The following SLC44A5 variants were observed in gnomAD, a reference collection of about 807,000 sequenced individuals.
SLC44A5 encodes the protein solute carrier family 44 member 5, also known as choline transporter-like protein 5.
A neutral mutation model predicts 101.8 loss-of-function variants in SLC44A5; 57 were observed. The observed-to-expected ratio is 0.56, with a 90% confidence interval of 0.45 to 0.70. SLC44A5 has a LOEUF of 0.70. Ranked by LOEUF, SLC44A5 falls within the 30% of genes least tolerant of loss-of-function variation. SLC44A5 has a pLI of 0.00. For missense variants in SLC44A5, 737 were observed against 853.1 expected (o/e 0.86, Z 1.70); for synonymous variants, 281 against 290.9 (o/e 0.97, Z 0.35).
chr1:75,696,618 A>T, the SLC44A5 span, among the ~76,000 whole-genome samples: 2 of 152,146 alleles, frequency 1.3e-5, no homozygotes, highest in African/African-American at 4.8e-5. Flanking sequence ...AACATCGGCC[A>T]GGTGCGGTGG....
the SLC44A5 span, among the ~76,000 whole-genome samples, chr1:75,692,306 G>T: frequency 6.8e-6 from 1 of 146,274 alleles, no homozygotes; most frequent in South Asian, 2.2e-4. Flanking sequence ...TGATTCTCCT[G>T]CCTCAGCCTC....
At chr1:75,241,916 T>C (rs368455029) in intron 9 of SLC44A5, 85 bp downstream of exon 9, 11 of 1,200,980 alleles carry the variant, frequency 9.2e-6, no homozygotes, top group African/African-American at 1.5e-5. Flanking sequence ...TTGGCCTCAG[T>C]CTCATCAATT....
intron 1 of SLC44A5, among the ~76,000 whole-genome samples, chr1:75,563,084 T>C (rs1212213027): frequency 1.3e-5 from 2 of 152,198 alleles, no homozygotes; most frequent in African/African-American, 2.4e-5. Flanking sequence ...TATATCTTAA[T>C]ATCATCATAA....
At chr1:75,380,241 C>T (rs1390047122) in intron 3 of SLC44A5, among the ~76,000 whole-genome samples, 1 of 83,314 alleles carries the variant, frequency 1.2e-5, no homozygotes, top group Non-Finnish European at 2.1e-5. Flanking sequence ...CAGGGGAGCC[C>T]CCACAAAAAA....
In SLC44A5 at chr1:75,267,208, TG is replaced by T. The variant is rs567488087; in HGVS notation, c.260+7749del. Among the ~76,000 whole-genome samples, 11 of 152,278 alleles carry T rather than the reference TG, an allele frequency of 7.2e-5. No individual in the cohort carries two copies. In the South Asian group the frequency reaches 2.3e-3, roughly 32 times the overall value. ...CATGACTGTTCTCTCATTTAATTTTTGCTTCATTATCAGGAAATAAAGACTG... is the reference window on the plus strand; with the variant it reads ...CATGACTGTTCTCTCATTTAATTTTTCTTCATTATCAGGAAATAAAGACTG... On this transcript the variant is annotated intron_variant, in intron 6 of 23. Transcript: ENST00000370859.
chr1:75,673,201 C>T, the SLC44A5 span, among the ~76,000 whole-genome samples: 1 of 152,068 alleles, frequency 6.6e-6, no homozygotes, highest in Non-Finnish European at 1.5e-5. Context: ...TAAACCTGCC[C>T]TGTGCCAGAG....
intron 4 of SLC44A5, among the ~76,000 whole-genome samples, chr1:75,333,241 T>C (rs966517439): frequency 9.9e-5 from 15 of 152,132 alleles, no homozygotes; most frequent in Non-Finnish European, 2.2e-4. Context: ...AAGTAAATAA[T>C]TGCCCCAAAT....
the SLC44A5 span, among the ~76,000 whole-genome samples, chr1:75,656,036 G>A: frequency 6.6e-6 from 1 of 152,100 alleles, no homozygotes; most frequent in Non-Finnish European, 1.5e-5. Flanking sequence ...AACATATAAA[G>A]GAGTTCCTAT....
At chr1:75,478,958 G>A (rs1052599474) in intron 2 of SLC44A5, among the ~76,000 whole-genome samples, 2 of 152,170 alleles carry the variant, frequency 1.3e-5, no homozygotes, top group Non-Finnish European at 2.9e-5. Context: ...ATTTGTTTCA[G>A]CACCACACCA....
intron 2 of SLC44A5, among the ~76,000 whole-genome samples, chr1:75,514,499 G>A (rs181573443): frequency 2.2e-4 from 33 of 152,224 alleles, no homozygotes; most frequent in Middle Eastern, 3.4e-3. Flanking sequence ...ACACTGAATG[G>A]GCATGATTCA....
chr1:75,232,786 G>A (rs1317377704), intron 12 of SLC44A5, among the ~76,000 whole-genome samples: 1 of 152,104 alleles, frequency 6.6e-6, no homozygotes, highest in East Asian at 1.9e-4. Flanking sequence ...TTATAGACGA[G>A]AATACCAGGT....
At chr1:75,449,681 G>A (rs937827681) in intron 2 of SLC44A5, among the ~76,000 whole-genome samples, 7 of 151,990 alleles carry the variant, frequency 4.6e-5, no homozygotes, top group Admixed American at 3.9e-4. Context: ...TTTTCCCCAA[G>A]ATAGAGGATA....
rs145253134 is a variant in SLC44A5, at chr1:75,415,341, A to G, written c.14-18720T>C. 9.5e-4 allele frequency among the ~76,000 whole-genome samples: 144 copies of G among 152,228 alleles called. No homozygotes were observed. In the East Asian group the frequency reaches 0.02, roughly 21 times the overall value. On this transcript the variant is annotated intron_variant, in intron 2 of 23. Transcript: ENST00000370859. ...GGTTTAAAAATGGGAGTTTCTCTGC[A>G]CAATTTCTCTTTGCCTGCTGCCATC...
intron 3 of SLC44A5, among the ~76,000 whole-genome samples, chr1:75,392,079 G>C (rs757334421): frequency 3.3e-5 from 5 of 152,024 alleles, no homozygotes; most frequent in Non-Finnish European, 5.9e-5. Context: ...AGCCTAGGAA[G>C]GTCTATGCTG....
chr1:75,671,450 C>T, the SLC44A5 span, among the ~76,000 whole-genome samples: 1 of 152,068 alleles, frequency 6.6e-6, no homozygotes, highest in Non-Finnish European at 1.5e-5. Context: ...CAGAGAGACT[C>T]ACTGAGAGAA....
intron 12 of SLC44A5, among the ~76,000 whole-genome samples, chr1:75,230,655 T>C (rs1647469391): frequency 6.7e-6 from 1 of 149,180 alleles, no homozygotes; most frequent in Non-Finnish European, 1.5e-5. Context: ...CTTATTCTGT[T>C]GCCCAGGCTG....
intron 4 of SLC44A5, among the ~76,000 whole-genome samples, chr1:75,304,366 A>G (rs1654753056): frequency 6.6e-6 from 1 of 151,734 alleles, no homozygotes; most frequent in Non-Finnish European, 1.5e-5. Context: ...TTTTCCATTA[A>G]TTTATCTGCT....
intron 12 of SLC44A5, among the ~76,000 whole-genome samples, chr1:75,231,372 A>G (rs546799528): frequency 1.8e-4 from 27 of 152,314 alleles, no homozygotes; most frequent in African/African-American, 6.3e-4. Context: ...ATTATATAAA[A>G]CAATACAGCG....
At chr1:75,624,430 T>C in the SLC44A5 span, among the ~76,000 whole-genome samples, 6 of 152,128 alleles carry the variant, frequency 3.9e-5, no homozygotes, top group Non-Finnish European at 7.4e-5. Context: ...AAATATTGCC[T>C]CATATGTTAG....
Sources: allele counts gnomAD v4.1 joint callset (sites outside exome capture counted in the v4.1 genomes callset), GRCh38; gene constraint gnomAD v4.1.1; transcripts MANE v1.5; gene names NCBI Gene and HGNC (gene_info 2026-07-23, HGNC 2026-07-21).